MYO3A: variants seen among roughly 807,000 people sequenced by gnomAD.
The protein encoded by MYO3A is myosin-IIIa.
In MYO3A, 180 loss-of-function variants were observed where a neutral mutation model predicts 192.7. That is an observed-to-expected ratio of 0.93 (90% CI 0.83 to 1.06). MYO3A has a LOEUF of 1.06. Ranked by LOEUF, MYO3A falls within the 50% of genes least tolerant of loss-of-function variation. MYO3A has a pLI of 0.00. For missense variants in MYO3A, 1,896 were observed against 1,905.0 expected (o/e 1.00, Z 0.09); for synonymous variants, 628 against 645.3 (o/e 0.97, Z 0.41).
chr10:25,986,798 T>G (rs1313800216), intron 4 of MYO3A, among the ~76,000 whole-genome samples: 1 of 152,112 alleles, frequency 6.6e-6, no homozygotes, highest in Non-Finnish European at 1.5e-5. Context: ...AAAAGCAATC[T>G]ACAAATTCAA....
intron 15 of MYO3A, among the ~76,000 whole-genome samples, chr10:26,095,857 G>T (rs1330719936): frequency 2.6e-5 from 4 of 152,138 alleles, no homozygotes; most frequent in Non-Finnish European, 5.9e-5. Context: ...TGGGCTTTGG[G>T]GTCAAATAGA....
rs532987668 is a variant in MYO3A at position 26,106,838 on chromosome 10, C to T, written c.1776+10156C>T. ...CTGGAATAAACCCAATAGAGTCCAT[C>T]TTTATCATCTTTTTGATAAATTTCT... On this transcript the variant is annotated intron_variant, in intron 17 of 34. Transcript: ENST00000642920. Among the ~76,000 whole-genome samples the T allele has an allele frequency of 7.2e-5, 11 of 152,044 alleles. 1 individual carries two copies. In the South Asian group the frequency reaches 8.3e-4, roughly 11 times the overall value.
At chr10:26,026,763 A>C (rs1186419033) in intron 10 of MYO3A, among the ~76,000 whole-genome samples, 1 of 152,074 alleles carries the variant, frequency 6.6e-6, no homozygotes, top group Non-Finnish European at 1.5e-5. Context: ...GTGCAGAGGC[A>C]CGATCTCGGC....
In MYO3A at chr10:26,143,602, G is replaced by T; in HGVS notation, c.2416+1G>T. 1.2e-6 allele frequency: 2 copies of T among 1,613,930 alleles called. No individual in the cohort carries two copies. The highest frequency in any genetic ancestry group is 1.7e-6 in the Non-Finnish European group (2 of 1,179,866). ...AAGGCCACTGACCAGACTCTTGTAG[G>T]TGAGTTTTCAGTCCAGTGTGTCTGC... On this transcript the variant is annotated splice_donor_variant, in intron 21 of 34. Transcript: ENST00000642920. LOFTEE classifies it high-confidence loss of function.
chr10:25,936,154 A>G, intron 2 of MYO3A, among the ~76,000 whole-genome samples: 1 of 152,104 alleles, frequency 6.6e-6, no homozygotes, highest in Non-Finnish European at 1.5e-5. Context: ...ATGTGTATAT[A>G]TACATATATT....
At chr10:26,103,275 G>C (rs1837589016) in intron 17 of MYO3A, among the ~76,000 whole-genome samples, 1 of 152,204 alleles carries the variant, frequency 6.6e-6, no homozygotes, top group Non-Finnish European at 1.5e-5. Context: ...CGATTTTCCA[G>C]GTACCATCTG....
chr10:26,131,161 A>G (rs1839510296), intron 20 of MYO3A, among the ~76,000 whole-genome samples: 1 of 152,232 alleles, frequency 6.6e-6, no homozygotes, highest in South Asian at 2.1e-4. Flanking sequence ...ATTTTTATTG[A>G]CAGTTGTACA....
At chr10:26,196,782 T>C (rs570131734) in intron 32 of MYO3A, among the ~76,000 whole-genome samples, 87 of 152,340 alleles carry the variant, frequency 5.7e-4, no homozygotes, top group East Asian at 1.3e-3. Flanking sequence ...TTTTTTTAAC[T>C]TTTTTTAATG....
chr10:26,149,633 A>T (rs1041895547), intron 23 of MYO3A, among the ~76,000 whole-genome samples: 5 of 152,116 alleles, frequency 3.3e-5, no homozygotes, highest in African/African-American at 9.7e-5. Flanking sequence ...TATTTTTTTA[A>T]ATTGACAGCT....
chr10:26,009,975 G>C (rs997528472), intron 6 of MYO3A, among the ~76,000 whole-genome samples: 2 of 152,082 alleles, frequency 1.3e-5, no homozygotes, highest in African/African-American at 4.8e-5. Flanking sequence ...GAAGTATGCT[G>C]TATACTCTCT....
chr10:25,962,973 T>A (rs1838032588), intron 4 of MYO3A, among the ~76,000 whole-genome samples: 2 of 152,226 alleles, frequency 1.3e-5, no homozygotes, highest in Non-Finnish European at 2.9e-5. Flanking sequence ...TCAGCCATAA[T>A]GAATCCAAAA....
chr10:25,964,853 T>C (rs1167108317), intron 4 of MYO3A, among the ~76,000 whole-genome samples: 1 of 152,234 alleles, frequency 6.6e-6, no homozygotes, highest in African/African-American at 2.4e-5. Context: ...GTTTGAAGGG[T>C]ATTTCACTGG....
At chr10:25,959,216 G>A (rs1837760041) in intron 4 of MYO3A, among the ~76,000 whole-genome samples, 1 of 152,084 alleles carries the variant, frequency 6.6e-6, no homozygotes, top group African/African-American at 2.4e-5. Context: ...GAATAGGAGT[G>A]TATGTTTTTT....
intron 17 of MYO3A, among the ~76,000 whole-genome samples, chr10:26,115,721 A>G (rs1225965682): frequency 6.6e-6 from 1 of 152,206 alleles, no homozygotes; most frequent in Non-Finnish European, 1.5e-5. Context: ...TGAATGCTCC[A>G]AATGATGGAC....
intron 14 of MYO3A, among the ~76,000 whole-genome samples, chr10:26,072,903 G>A (rs1835300186): frequency 6.6e-6 from 1 of 152,118 alleles, no homozygotes; most frequent in African/African-American, 2.4e-5. Context: ...GAAACCTATA[G>A]ACAAAGATTT....
intron 13 of MYO3A, 40 bp from the exon 14 acceptor site, chr10:26,070,278 G>A (rs750835006): frequency 1.2e-6 from 2 of 1,604,462 alleles, no homozygotes; most frequent in African/African-American, 2.7e-5. Context: ...ACTTAATTTT[G>A]AGGATAAGGT....
intron 17 of MYO3A, among the ~76,000 whole-genome samples, chr10:26,117,357 C>T (rs1326450205): frequency 6.6e-6 from 1 of 152,074 alleles, no homozygotes; most frequent in Non-Finnish European, 1.5e-5. Context: ...GGTACATGTG[C>T]AGGTTTATTA....
In MYO3A at chr10:26,153,881, T is replaced by C; in HGVS notation, c.2667T>C (p.Val889=). ...TGCCACATTCTAAAACTAAAAATGT[T>C]ATAAACTATCAAATGAGGACTTCAG... is the stretch of plus-strand genomic sequence containing the variant. ...GNLPHSKTKN[V]INYQMRTSEK... is the part of the protein sequence containing the mutation. The change falls in exon 24 of 35, where the codon GTT becomes GTC. Residue 889 remains valine, a synonymous_variant. Transcript: ENST00000642920. 1 of 1,593,922 alleles carries C rather than the reference T, an allele frequency of 6.3e-7. No individual in the cohort carries two copies. Among genetic ancestry groups the C allele is most frequent in the South Asian group, 1.1e-5 (1 of 90,656 alleles).
chr10:26,143,883 A>G (rs1437576513), intron 21 of MYO3A, among the ~76,000 whole-genome samples: 2 of 152,168 alleles, frequency 1.3e-5, no homozygotes, highest in South Asian at 4.1e-4. Context: ...GACCTTAGAA[A>G]TTTTCCAGCC....
Sources: allele counts gnomAD v4.1 joint callset (sites outside exome capture counted in the v4.1 genomes callset), GRCh38; gene constraint gnomAD v4.1.1; transcripts MANE v1.5; gene names NCBI Gene and HGNC (gene_info 2026-07-23, HGNC 2026-07-21).